HAUS1: variants seen among roughly 807,000 people sequenced by gnomAD.
HAUS1 encodes the protein HAUS augmin-like complex subunit 1.
Under a neutral mutation model 38.6 loss-of-function variants are expected in HAUS1, and 25 were observed. That is an observed-to-expected ratio of 0.65 (90% CI 0.47 to 0.91). The LOEUF (loss-of-function observed/expected upper bound fraction) is 0.91. HAUS1 is among the 40% of genes least tolerant of loss of function. HAUS1 has a pLI of 0.00. For missense variants in HAUS1, 325 were observed against 328.4 expected (o/e 0.99, Z 0.08); for synonymous variants, 109 against 112.9 (o/e 0.97, Z 0.22).
At chr18:46,124,318 G>A (rs1409684458) in intron 6 of HAUS1, among the ~76,000 whole-genome samples, 1 of 151,404 alleles carries the variant, frequency 6.6e-6, no homozygotes, top group Admixed American at 6.6e-5. Context: ...GCTGAGGCAG[G>A]AGAAAGAAGA....
intron 2 of HAUS1, 76 bp from the exon 3 acceptor site, chr18:46,118,105 G>C: frequency 7.0e-7 from 1 of 1,434,986 alleles, no homozygotes; most frequent in Non-Finnish European, 9.8e-7. Flanking sequence ...TATGCTATGT[G>C]AATTATGTCT....
intron 3 of HAUS1, 120 bp downstream of exon 3, chr18:46,118,436 GTTACTTCA>G: frequency 4.8e-6 from 4 of 840,030 alleles, no homozygotes; most frequent in Non-Finnish European, 7.5e-6. Context: ...ACTGAATTTA[GTTACTTCA>G]TGTCTTTGCC....
chr18:46,105,135 C>A, intron 1 of HAUS1, 59 bp from the exon 2 acceptor site: 2 of 1,282,582 alleles, frequency 1.6e-6, no homozygotes, highest in South Asian at 1.4e-5. Flanking sequence ...TTGTCATATT[C>A]TCATCGAGCC....
intron 2 of HAUS1, among the ~76,000 whole-genome samples, chr18:46,114,860 T>C (rs755053374): frequency 3.3e-5 from 5 of 152,168 alleles, no homozygotes; most frequent in African/African-American, 7.2e-5. Flanking sequence ...TTTTTATAGA[T>C]TTTATTGAAT....
In HAUS1 at chr18:46,117,190, G is replaced by T. The variant is rs571112735; in HGVS notation, c.206-991G>T. ...CCAGCAATTCCACTTACACCCAAGA[G>T]AAATGAAAACATATGTTCATATCAA... On this transcript the variant is annotated intron_variant, in intron 2 of 8. Transcript: ENST00000282058. 4.6e-5 allele frequency among the ~76,000 whole-genome samples: 7 copies of T among 152,248 alleles called. No individual in the cohort carries two copies. In the East Asian group the frequency reaches 1.4e-3, roughly 29 times the overall value.
rs1263493768 is a variant in HAUS1 at position 46,112,280 on chromosome 18, A to AAT, written c.206-5895_206-5894dup. On this transcript the variant is annotated intron_variant, in intron 2 of 8. Transcript: ENST00000282058. Reference sequence around the variant, plus strand: ...TATATATATTCCATATTATATATATAATATATAATGTGTATATATATTCCA... The same window carrying AAT: ...TATATATATTCCATATTATATATATAATATATATAATGTGTATATATATTCCA... Among the ~76,000 whole-genome samples the AAT allele has an allele frequency of 1.9e-3, 176 of 91,260 alleles. 1 individual carries two copies. Among genetic ancestry groups the AAT allele is most frequent in the Admixed American group, 0.011 (82 of 7,706 alleles). The allele number at this position is 91,260 out of a possible 152,430, so 59.9% of individuals were successfully genotyped here. A position where few individuals can be genotyped will look rare whatever the true frequency, so the allele number is the denominator to read the frequency against.
Position 46,118,278 on chromosome 18 carries a change from T to C in HAUS1, c.303T>C (p.Ser101=), listed in dbSNP as rs758234043. The change falls in exon 3 of 9, where the codon AGT becomes AGC. Residue 101 remains serine (S), a synonymous_variant. Coordinates refer to ENST00000282058, the MANE Select transcript of HAUS1 (RefSeq NM_138443.4). ...GGTATCTGAATGCTTTGGTTGACAGTGCGGTGGCCCTTGAAACAAAGGATA... is the reference window on the plus strand; with the variant it reads ...GGTATCTGAATGCTTTGGTTGACAGCGCGGTGGCCCTTGAAACAAAGGATA... ...GSRYLNALVD[S]AVALETKDTS... is the part of the protein sequence containing the mutation. The C allele has an allele frequency of 1.2e-6, 2 of 1,613,376 alleles. No individual in the cohort carries two copies. The highest frequency in any genetic ancestry group is 8.5e-7 in the Non-Finnish European group (1 of 1,180,004).
chr18:46,127,318 T>C (rs750730614), intron 8 of HAUS1, among the ~76,000 whole-genome samples: 1 of 152,066 alleles, frequency 6.6e-6, no homozygotes, highest in Non-Finnish European at 1.5e-5. Context: ...GATTATTCTG[T>C]AGCCACTGTT....
chr18:46,105,135 C>T (rs1171480828), intron 1 of HAUS1, 59 bp from the exon 2 acceptor site: 2 of 1,282,584 alleles, frequency 1.6e-6, no homozygotes, highest in East Asian at 4.7e-5. Context: ...TTGTCATATT[C>T]TCATCGAGCC....
At chr18:46,122,966 C>T (rs1001823325) in intron 5 of HAUS1, among the ~76,000 whole-genome samples, 1 of 152,162 alleles carries the variant, frequency 6.6e-6, no homozygotes, top group African/African-American at 2.4e-5. Flanking sequence ...TAATCCAGCA[C>T]TTTGGGAGGC....
chr18:46,118,618 G>T, intron 3 of HAUS1: 1 of 223,948 alleles, frequency 4.5e-6, no homozygotes. Flanking sequence ...TAAATGATTT[G>T]GTTGAGCATA....
intron 4 of HAUS1, 80 bp downstream of exon 4, chr18:46,120,140 G>A: frequency 1.0e-6 from 1 of 987,840 alleles, no homozygotes; most frequent in South Asian, 2.0e-5. Flanking sequence ...TTTGGCAGTA[G>A]GTGTGATTTT....
chr18:46,117,562 C>T (rs891049513), intron 2 of HAUS1, among the ~76,000 whole-genome samples: 16 of 152,204 alleles, frequency 1.1e-4, no homozygotes, highest in African/African-American at 3.9e-4. Context: ...GGTATGGTGG[C>T]TCACACCTGT....
chr18:46,127,152 A>G (rs1164074239), intron 8 of HAUS1, among the ~76,000 whole-genome samples: 1 of 150,038 alleles, frequency 6.7e-6, no homozygotes, highest in African/African-American at 2.5e-5. Flanking sequence ...GTATTTTTTT[A>G]GTAGAGACGG....
chr18:46,110,256 A>G (rs1911584383), intron 2 of HAUS1, among the ~76,000 whole-genome samples: 1 of 147,386 alleles, frequency 6.8e-6, no homozygotes, highest in South Asian at 2.1e-4. Flanking sequence ...TCTGGGCTCA[A>G]GTGATCCCCC....
chr18:46,127,999 TA>T (rs2144269636), intron 8 of HAUS1, 75 bp from the exon 9 acceptor site: 1 of 842,142 alleles, frequency 1.2e-6, no homozygotes, highest in African/African-American at 1.8e-5. Context: ...TTGCTTCCCT[TA>T]TTTTAAATAA....
In HAUS1 at chr18:46,128,192, T is replaced by A; in HGVS notation, c.*67T>A. ...GAATAGGACTTTACAGAGTTCTTTTTCCTCTTGGCATTTCCTAATAACAAA... is the reference window on the plus strand; with the variant it reads ...GAATAGGACTTTACAGAGTTCTTTTACCTCTTGGCATTTCCTAATAACAAA... On this transcript the variant is annotated 3_prime_UTR_variant, in exon 9 of 9. Coordinates refer to ENST00000282058, the MANE Select transcript of HAUS1 (RefSeq NM_138443.4). 1.1e-6 allele frequency: 1 copy of A among 940,516 alleles called. No homozygotes were observed. The highest frequency in any genetic ancestry group is 1.7e-5 in the South Asian group (1 of 57,432). The allele number at this position is 940,516 out of a possible 1,614,324, so 58.3% of individuals were successfully genotyped here.
In HAUS1 at chr18:46,128,131, G is replaced by A. The variant is rs1221112945; in HGVS notation, c.*6G>A. 2 of 1,572,750 alleles carry A rather than the reference G, an allele frequency of 1.3e-6. No individual in the cohort carries two copies. The highest frequency in any genetic ancestry group is 2.7e-5 in the African/African-American group (2 of 73,326). On this transcript the variant is annotated 3_prime_UTR_variant, in exon 9 of 9. Transcript: ENST00000282058. ...TAGACATGATGGAACTGTGACAAAA[G>A]CCAAATAAACATCCTTTTCCCTAAC...
At chr18:46,113,021 C>CATATTATATATGGAATATATATATTCT (rs1911707247) in intron 2 of HAUS1, among the ~76,000 whole-genome samples, 1 of 88,836 alleles carries the variant, frequency 1.1e-5, no homozygotes, top group African/African-American at 3.8e-5. Flanking sequence ...ATATATATTC[C>CATATTATATATGGAATATATATATTCT]ATATTATATA....
Sources: gnomAD v4.1 joint callset for allele counts (sites outside exome capture counted in the v4.1 genomes callset) on GRCh38, gnomAD v4.1.1 for gene constraint, MANE v1.5 for transcripts, NCBI Gene and HGNC (gene_info 2026-07-23, HGNC 2026-07-21) for gene names.